Variants in DSCAM observed in about 807,000 individuals in gnomAD.
The protein encoded by DSCAM is DS cell adhesion molecule, also known as cell adhesion molecule DSCAM.
In DSCAM, 47 loss-of-function variants were observed where a neutral mutation model predicts 217.7. The observed-to-expected ratio is 0.22, with a 90% CI of 0.17 to 0.28. DSCAM has a LOEUF of 0.28. DSCAM is among the 10% of genes least tolerant of loss of function. DSCAM has a pLI of 1.00. For missense variants in DSCAM, 2,080 were observed against 2,618.3 expected, an observed-to-expected ratio of 0.79 and a Z score of 4.49; for synonymous variants, 1,056 against 1,015.3, an observed-to-expected ratio of 1.04 and a Z score of -0.76.
chr21:40,179,378 G>A (rs2090774007), intron 14 of DSCAM, among the ~76,000 whole-genome samples: 2 of 152,074 alleles, frequency 1.3e-5, no homozygotes, highest in African/African-American at 4.8e-5. Flanking sequence ...GATGGAGGAA[G>A]CACAGATCAG....
At chr21:40,808,498 T>C (rs1338597017) in intron 1 of DSCAM, among the ~76,000 whole-genome samples, 2 of 140,966 alleles carry the variant, frequency 1.4e-5, no homozygotes, top group Non-Finnish European at 3.1e-5. Flanking sequence ...TTTTGAGACA[T>C]AGTCTCTCTC....
At chr21:40,361,359 G>C (rs985127788) in intron 4 of DSCAM, among the ~76,000 whole-genome samples, 1 of 152,080 alleles carries the variant, frequency 6.6e-6, no homozygotes, top group African/African-American at 2.4e-5. Flanking sequence ...AGCGGCTCAC[G>C]CCTGTAATCC....
chr21:40,843,929 CTTATT>C (rs1257167780), intron 1 of DSCAM, among the ~76,000 whole-genome samples: 1 of 150,010 alleles, frequency 6.7e-6, no homozygotes, highest in Non-Finnish European at 1.5e-5. Flanking sequence ...GTATTGTGGG[CTTATT>C]TTAATAGCCC....
At chr21:40,613,461 A>AT (rs1165594712) in intron 3 of DSCAM, among the ~76,000 whole-genome samples, 2 of 152,274 alleles carry the variant, frequency 1.3e-5, no homozygotes. Flanking sequence ...TAAAAAAAAG[A>AT]TTTTTTAAAA....
chr21:40,494,250 A>G (rs1056143251), intron 3 of DSCAM, among the ~76,000 whole-genome samples: 4 of 152,176 alleles, frequency 2.6e-5, no homozygotes, highest in Non-Finnish European at 5.9e-5. Context: ...AAAGACAAAG[A>G]GTGGATAAGT....
intron 3 of DSCAM, among the ~76,000 whole-genome samples, chr21:40,557,770 G>T (rs567218085): frequency 6.6e-6 from 1 of 152,184 alleles, no homozygotes; most frequent in African/African-American, 2.4e-5. Context: ...AGAATTGTGA[G>T]CCAAGCAAAC....
intron 3 of DSCAM, among the ~76,000 whole-genome samples, chr21:40,526,933 C>T (rs1257672584): frequency 1.3e-5 from 2 of 152,058 alleles, no homozygotes; most frequent in Non-Finnish European, 2.9e-5. Context: ...GCCAGGAGGT[C>T]AAGGTGCTTC....
At chr21:40,409,688 G>A (rs1391931815) in intron 3 of DSCAM, among the ~76,000 whole-genome samples, 1 of 152,220 alleles carries the variant, frequency 6.6e-6, no homozygotes, top group East Asian at 1.9e-4. Flanking sequence ...GTCAGTGAAA[G>A]TATGTCTGAA....
intron 30 of DSCAM, among the ~76,000 whole-genome samples, chr21:40,050,717 G>A (rs979014811): frequency 6.6e-6 from 1 of 152,102 alleles, no homozygotes; most frequent in Non-Finnish European, 1.5e-5. Context: ...TCCTGACCTC[G>A]TGATCCGACC....
chr21:40,371,428 A>C (rs559908978), intron 3 of DSCAM, among the ~76,000 whole-genome samples: 1 of 151,162 alleles, frequency 6.6e-6, no homozygotes, highest in Admixed American at 6.6e-5. Flanking sequence ...AAGTCAAAAA[A>C]AAAAAAAGAT....
intron 4 of DSCAM, among the ~76,000 whole-genome samples, chr21:40,358,218 A>G (rs187211462): frequency 8.5e-5 from 13 of 152,326 alleles, no homozygotes; most frequent in African/African-American, 3.1e-4. Flanking sequence ...TTCTAACTGA[A>G]ACTTGGCAGA....
At chr21:40,787,124 G>A (rs1325691481) in intron 1 of DSCAM, among the ~76,000 whole-genome samples, 1 of 152,206 alleles carries the variant, frequency 6.6e-6, no homozygotes, top group Non-Finnish European at 1.5e-5. Flanking sequence ...GGCTGGGAAA[G>A]TATTTCACAG....
chr21:40,470,260 T>C (rs1297705698), intron 3 of DSCAM, among the ~76,000 whole-genome samples: 1 of 152,202 alleles, frequency 6.6e-6, no homozygotes, highest in Non-Finnish European at 1.5e-5. Context: ...AAACCAAGAG[T>C]GCTGTGAGCT....
At chr21:40,687,587 T>C (rs2090493991) in intron 3 of DSCAM, among the ~76,000 whole-genome samples, 1 of 152,134 alleles carries the variant, frequency 6.6e-6, no homozygotes, top group Non-Finnish European at 1.5e-5. Flanking sequence ...CGGCATCCAA[T>C]CTGCTCTTAG....
At chr21:40,733,752 G>A (rs2091036019) in intron 1 of DSCAM, among the ~76,000 whole-genome samples, 1 of 152,042 alleles carries the variant, frequency 6.6e-6, no homozygotes, top group Non-Finnish European at 1.5e-5. Context: ...GCTCTGCTCT[G>A]CTCCACTCTC....
At chr21:40,770,227 TAA>T (rs1440815081) in intron 1 of DSCAM, among the ~76,000 whole-genome samples, 2 of 152,256 alleles carry the variant, frequency 1.3e-5, no homozygotes, top group African/African-American at 4.8e-5. Context: ...GAACATTTCT[TAA>T]AAGACTGGTC....
At chr21:40,536,813 G>A (rs549302781) in intron 3 of DSCAM, among the ~76,000 whole-genome samples, 17 of 152,168 alleles carry the variant, frequency 1.1e-4, no homozygotes, top group Non-Finnish European at 2.1e-4. Flanking sequence ...GCGTAAAGAG[G>A]ACACAGAAAA....
At chr21:40,730,578 C>T (rs1489902069) in intron 1 of DSCAM, among the ~76,000 whole-genome samples, 1 of 152,158 alleles carries the variant, frequency 6.6e-6, no homozygotes, top group Non-Finnish European at 1.5e-5. Flanking sequence ...AAATAACGCC[C>T]ATAGCATCTA....
chr21:40,658,371 G>A (rs191394298), intron 3 of DSCAM, among the ~76,000 whole-genome samples: 148 of 152,318 alleles, frequency 9.7e-4, no homozygotes, highest in Non-Finnish European at 1.6e-3. Context: ...CTGGACAAAT[G>A]TGCCTCTCAG....
Sources: allele counts gnomAD v4.1 joint callset (sites outside exome capture counted in the v4.1 genomes callset), GRCh38; gene constraint gnomAD v4.1.1; transcripts MANE v1.5; gene names NCBI Gene and HGNC (gene_info 2026-07-23, HGNC 2026-07-21).